The following DNAH14 variants were observed in gnomAD, a reference collection of about 807,000 sequenced individuals.
The protein encoded by DNAH14 is dynein axonemal heavy chain 14, also known as axonemal beta dynein heavy chain 14.
DNAH14 carries 478 observed loss-of-function variants against 520.9 expected under a neutral mutation model. That is an observed-to-expected ratio of 0.92 (90% confidence interval 0.85 to 0.99). DNAH14 has a LOEUF of 0.99. DNAH14 is among the 50% of genes least tolerant of loss of function. The pLI, the probability that DNAH14 is intolerant of heterozygous loss-of-function variation, is 0.00. For synonymous variants in DNAH14, 1,581 were observed against 1,757.2 expected (o/e 0.90, Z 2.51); for missense variants, 4,831 against 5,234.5 (o/e 0.92, Z 2.38).
At chr1:225,082,868 G>A in intron 20 of DNAH14, 129 bp downstream of exon 20, 1 of 705,950 alleles carries the variant, frequency 1.4e-6, no homozygotes, top group Non-Finnish European at 2.3e-6. Flanking sequence ...GAAAATAATA[G>A]TACATTTGTA....
intron 43 of DNAH14, among the ~76,000 whole-genome samples, chr1:225,244,642 G>A (rs1029280720): frequency 6.6e-6 from 1 of 152,110 alleles, no homozygotes; most frequent in Non-Finnish European, 1.5e-5. Flanking sequence ...TTTGCATAGA[G>A]GTTTTTATAT....
At chr1:225,244,800 G>C (rs925815880) in intron 43 of DNAH14, among the ~76,000 whole-genome samples, 2 of 152,072 alleles carry the variant, frequency 1.3e-5, no homozygotes, top group African/African-American at 4.8e-5. Context: ...CAAAAAAACA[G>C]CTCTTGGATG....
In DNAH14 at chr1:225,305,071, A is replaced by G; in HGVS notation, c.8987A>G (p.Glu2996Gly). The change falls in exon 58 of 86, where the codon GAA becomes GGA. Residue 2996 changes from glutamate to glycine, a missense_variant. Glu to Gly is a moderately conservative substitution (Grantham distance 98). Transcript: ENST00000682510. ...GCACACATTTTGAGGGCACGAGAGG[A>G]AGAGATGCAAACAAAGAGGTAAGAC... Reference protein sequence around the residue: ...TFAHILRAREEEMQTKRDRFH... With the variant: ...TFAHILRAREGEMQTKRDRFH... 1 of 1,534,392 alleles carries G rather than the reference A, an allele frequency of 6.5e-7. No individual in the cohort carries two copies. The highest frequency in any genetic ancestry group is 8.7e-7 in the Non-Finnish European group (1 of 1,143,218).
Position 225,002,830 on chromosome 1 carries a change from C to T in DNAH14, c.878C>T (p.Thr293Ile), listed in dbSNP as rs1409554604. The change falls in exon 9 of 86, where the codon ACC becomes ATC. Residue 293 changes from threonine to isoleucine, a missense_variant. Thr to Ile is a moderately conservative substitution (Grantham distance 89). Transcript: ENST00000682510. ...TTTTTGGCTGATGACTTGTTTCAAA[C>T]CTGTTTGGTTTATATAAGAGGACTT... is the stretch of plus-strand genomic sequence containing the variant. Reference protein sequence around the residue: ...HLFLADDLFQTCLVYIRGLCE... With the variant: ...HLFLADDLFQICLVYIRGLCE... 1 of 1,549,058 alleles carries T rather than the reference C, an allele frequency of 6.5e-7. No individual in the cohort carries two copies.
Position 225,043,276 on chromosome 1 carries a change from GA to G in DNAH14, c.1768+183del, listed in dbSNP as rs10671374. Among the ~76,000 whole-genome samples, 640 of 98,152 alleles carry G rather than the reference GA, an allele frequency of 6.5e-3. 6 individuals are homozygous for G. The highest frequency in any genetic ancestry group is 0.022 in the African/African-American group (573 of 26,436). 64.4% of individuals were successfully genotyped at this position (98,152 alleles called of 152,430 possible). A position where few individuals can be genotyped will look rare whatever the true frequency, so the allele number is the denominator to read the frequency against. On this transcript the variant is annotated intron_variant, in intron 13 of 85. Coordinates refer to ENST00000682510, the MANE Select transcript of DNAH14 (RefSeq NM_001367479.1). ...GAGACCTTGTCTCTTGTCTCTTGGG[GA>G]AAAAAAAAAAAAAAAAAAAAGAATG...
At chr1:225,231,176 A>G in intron 42 of DNAH14, 25 bp downstream of exon 42, 1 of 1,497,186 alleles carries the variant, frequency 6.7e-7, no homozygotes, top group Non-Finnish European at 9.0e-7. Flanking sequence ...TTCAGAAAAC[A>G]TGTTTTAATA....
chr1:225,208,163 T>C (rs2087843043), intron 41 of DNAH14, among the ~76,000 whole-genome samples: 1 of 152,038 alleles, frequency 6.6e-6, no homozygotes, highest in Admixed American at 6.6e-5. Flanking sequence ...GTGACCTGCT[T>C]TGAAGAGTGA....
At chr1:225,159,256 G>A (rs1219199090) in intron 34 of DNAH14, 58 bp from the exon 35 acceptor site, 15 of 1,387,116 alleles carry the variant, frequency 1.1e-5, no homozygotes, top group Non-Finnish European at 1.3e-5. Context: ...GGTCTTCAGT[G>A]TCTGCAGAGC....
intron 61 of DNAH14, among the ~76,000 whole-genome samples, chr1:225,320,079 C>T (rs1282993397): frequency 6.6e-6 from 1 of 152,140 alleles, no homozygotes; most frequent in African/African-American, 2.4e-5. Context: ...CAGATATTCC[C>T]TAGAGAGTGA....
In DNAH14 at chr1:224,980,431, G is replaced by T. The variant is rs2062179190; in HGVS notation, c.830+6278G>T. On this transcript the variant is annotated intron_variant, in intron 8 of 85. Transcript: ENST00000682510. ...AGGAAGGAAGAATGGGAAGGACTTTGTCTTGTGGTTTGAGAGCCAGCTCAG... is the reference window on the plus strand; with the variant it reads ...AGGAAGGAAGAATGGGAAGGACTTTTTCTTGTGGTTTGAGAGCCAGCTCAG... Among the ~76,000 whole-genome samples, 5 of 152,306 alleles carry T rather than the reference G, an allele frequency of 3.3e-5. No individual in the cohort carries two copies. The South Asian group carries it at 1.0e-3, about 32-fold the overall frequency.
chr1:224,945,848 G>A (rs1162837473), intron 1 of DNAH14, among the ~76,000 whole-genome samples: 5 of 152,272 alleles, frequency 3.3e-5, no homozygotes, highest in Non-Finnish European at 7.3e-5. Context: ...CGTTCCTCTG[G>A]AAGTTTTGTC....
chr1:224,956,915 A>G (rs756369095), intron 3 of DNAH14, among the ~76,000 whole-genome samples: 1 of 152,274 alleles, frequency 6.6e-6, no homozygotes, highest in Middle Eastern at 3.4e-3. Context: ...TTCTTAGGAA[A>G]GAGGAAAGAA....
intron 33 of DNAH14, among the ~76,000 whole-genome samples, chr1:225,153,399 A>G (rs2080705396): frequency 6.6e-6 from 1 of 152,116 alleles, no homozygotes; most frequent in Non-Finnish European, 1.5e-5. Context: ...ATGCCAGAGT[A>G]TTTGTTGCTA....
intron 1 of DNAH14, among the ~76,000 whole-genome samples, chr1:224,943,478 T>A (rs938567797): frequency 6.6e-6 from 1 of 152,200 alleles, no homozygotes; most frequent in Non-Finnish European, 1.5e-5. Flanking sequence ...GAAGGGTTTT[T>A]TGTGTCTCTA....
intron 11 of DNAH14, among the ~76,000 whole-genome samples, chr1:225,034,002 A>G (rs956574783): frequency 6.6e-6 from 1 of 151,940 alleles, no homozygotes; most frequent in Non-Finnish European, 1.5e-5. Context: ...ATCATGTTGT[A>G]TGCAAACAGA....
rs1304099178 is a variant in DNAH14, at chr1:225,152,073, G to T, written c.5009G>T (p.Arg1670Ile). 2.6e-6 allele frequency: 4 copies of T among 1,548,106 alleles called. No individual in the cohort carries two copies. The highest frequency in any genetic ancestry group is 3.5e-6 in the Non-Finnish European group (4 of 1,145,666). The change falls in exon 32 of 86, where the codon AGA (arginine) becomes ATA (isoleucine). Residue 1670 changes from arginine (R) to isoleucine (I), a missense_variant and splice_region_variant. Coordinates refer to ENST00000682510, the MANE Select transcript of DNAH14 (RefSeq NM_001367479.1). ...GCGGTATTTATCACCATGAATCCCA[G>T]GTAAGTATCAGTAAATCTAGTGGGA... The part of the protein sequence containing the change: ...SCAVFITMNP[R>I]YGGGVELPDN...
chr1:225,142,380 A>G (rs2079537432), intron 28 of DNAH14, among the ~76,000 whole-genome samples: 1 of 152,216 alleles, frequency 6.6e-6, no homozygotes, highest in African/African-American at 2.4e-5. Context: ...GAATCACAGC[A>G]ATGTACAACA....
intron 15 of DNAH14, among the ~76,000 whole-genome samples, chr1:225,046,129 A>G: frequency 6.6e-6 from 1 of 151,602 alleles, no homozygotes; most frequent in African/African-American, 2.4e-5. Context: ...GTATATAAAT[A>G]TACATAGGTA....
chr1:225,067,931 T>C (rs1176579399), intron 17 of DNAH14, among the ~76,000 whole-genome samples: 1 of 152,220 alleles, frequency 6.6e-6, no homozygotes, highest in Non-Finnish European at 1.5e-5. Flanking sequence ...TCTTTTGCTG[T>C]GCAGAAGCTC....
Sources: allele counts gnomAD v4.1 joint callset (sites outside exome capture counted in the v4.1 genomes callset), GRCh38; gene constraint gnomAD v4.1.1; transcripts MANE v1.5; gene names NCBI Gene and HGNC (gene_info 2026-07-23, HGNC 2026-07-21).